The following MYO5B variants were observed in gnomAD, a reference collection of about 807,000 sequenced individuals.
MYO5B encodes the protein myosin VB.
A neutral mutation model predicts 229.3 loss-of-function variants in MYO5B; 143 were observed. The observed-to-expected ratio is 0.62, with a 90% CI of 0.54 to 0.72. MYO5B has a LOEUF of 0.72. Ranked by LOEUF, MYO5B falls within the 30% of genes least tolerant of loss-of-function variation. The pLI is 0.00. For missense variants in MYO5B, 2,321 were observed against 2,331.0 expected (o/e 1.00, Z 0.09); for synonymous variants, 918 against 885.2 (o/e 1.04, Z -0.66).
At chr18:49,973,172 T>C (rs2025709418) in intron 10 of MYO5B, among the ~76,000 whole-genome samples, 2 of 152,208 alleles carry the variant, frequency 1.3e-5, no homozygotes, top group South Asian at 4.1e-4. Context: ...AACTCGTGCA[T>C]GAGACAACTC....
intron 17 of MYO5B, 33 bp from the exon 18 acceptor site, chr18:49,912,206 C>T (rs1265921096): frequency 1.9e-6 from 3 of 1,546,384 alleles, no homozygotes; most frequent in Non-Finnish European, 2.7e-6. Context: ...TCAGGTGACA[C>T]ATCCTGCCTC....
At chr18:50,003,062 G>A (rs148727637) in intron 4 of MYO5B, among the ~76,000 whole-genome samples, 76 of 152,234 alleles carry the variant, frequency 5.0e-4, no homozygotes, top group African/African-American at 1.7e-3. Flanking sequence ...AATTAGAGAC[G>A]GCCTAGACAG....
chr18:50,076,235 G>A (rs79749731), intron 1 of MYO5B, among the ~76,000 whole-genome samples: 5,776 of 152,246 alleles, frequency 0.038, 358 homozygotes, highest in African/African-American at 0.13. Flanking sequence ...TCAGGAGGCC[G>A]TCAAGATCCT....
Position 50,040,309 on chromosome 18 carries a change from C to G in MYO5B, c.144G>C (p.Leu48=), listed in dbSNP as rs750204250. Reference sequence around the variant, plus strand: ...TGCGTTGTACATCAATTGGGTATTCCAGAATCTAAAGACATGCAAGTAGCA... The same window carrying G: ...TGCGTTGTACATCAATTGGGTATTCGAGAATCTAAAGACATGCAAGTAGCA... The part of the protein sequence containing the change: ...LQLRLEDETI[L]EYPIDVQRNQ... The change falls in exon 3 of 40, where the codon CTG becomes CTC. Residue 48 remains leucine, a synonymous_variant. Coordinates refer to ENST00000285039, the MANE Select transcript of MYO5B (RefSeq NM_001080467.3). The G allele has an allele frequency of 6.2e-7, 1 of 1,613,952 alleles. No homozygotes were observed. The highest frequency in any genetic ancestry group is 2.2e-5 in the East Asian group (1 of 44,872).
chr18:50,052,753 C>T (rs2030433534), intron 2 of MYO5B, among the ~76,000 whole-genome samples: 1 of 151,280 alleles, frequency 6.6e-6, no homozygotes, highest in South Asian at 2.1e-4. Flanking sequence ...TATATTTTAC[C>T]ACAATAGATA....
intron 18 of MYO5B, among the ~76,000 whole-genome samples, chr18:49,910,278 G>T (rs2024943519): frequency 6.6e-6 from 1 of 152,184 alleles, no homozygotes; most frequent in African/African-American, 2.4e-5. Context: ...CCCCTCCAGA[G>T]TTCCCTCTTT....
chr18:49,937,203 T>G, intron 15 of MYO5B, 42 bp downstream of exon 15: 1 of 1,612,114 alleles, frequency 6.2e-7, no homozygotes, highest in Non-Finnish European at 8.5e-7. Context: ...AGGCCAGCCC[T>G]GCACATGCAC....
chr18:50,017,121 T>G (rs1284556483), intron 4 of MYO5B, among the ~76,000 whole-genome samples: 1 of 152,138 alleles, frequency 6.6e-6, no homozygotes, highest in Non-Finnish European at 1.5e-5. Context: ...GCATAATTTT[T>G]CATTTTGTTT....
chr18:50,193,263 T>C (rs2033252495), intron 1 of MYO5B, among the ~76,000 whole-genome samples: 1 of 152,200 alleles, frequency 6.6e-6, no homozygotes, highest in African/African-American at 2.4e-5. Flanking sequence ...GTTCACGCCC[T>C]GGCTCCCACC....
chr18:49,837,928 T>C (rs1414411160), intron 36 of MYO5B, 126 bp from the exon 37 acceptor site: 1 of 1,289,942 alleles, frequency 7.8e-7, no homozygotes, highest in Non-Finnish European at 1.1e-6. Context: ...AATGTTGACA[T>C]GCTTAGGAAC....
In MYO5B at chr18:49,846,918, T is replaced by G. The variant is rs116748470; in HGVS notation, c.4459+228A>C. Among the ~76,000 whole-genome samples the G allele has an allele frequency of 8.2e-3, 1,216 of 149,008 alleles. 10 individuals are homozygous for G. The highest frequency in any genetic ancestry group is 0.028 in the African/African-American group (1,125 of 40,006). On this transcript the variant is annotated intron_variant, in intron 33 of 39. Transcript: ENST00000285039. ...TCGTATGGGCAGAACAAAGAAGCAG[T>G]GGGTCTTGCCATCGAGAATAGCAGC...
rs75899978 is a variant in MYO5B at position 49,964,147 on chromosome 18, A to G, written c.1323-1117T>C. ...ACCTAAAGAAATTACCATGTCAAAC[A>G]GTACCACTTTTCTTAAAAGGTAGAA... On this transcript the variant is annotated intron_variant, in intron 10 of 39. Transcript: ENST00000285039. 2.5e-3 allele frequency among the ~76,000 whole-genome samples: 374 copies of G among 152,374 alleles called. 1 individual carries two copies. Among genetic ancestry groups the G allele is most frequent in the African/African-American group, 8.4e-3 (351 of 41,586 alleles).
intron 9 of MYO5B, among the ~76,000 whole-genome samples, 195 bp from the exon 10 acceptor site, chr18:49,974,810 C>CAG (rs61021420): frequency 3.3e-5 from 5 of 151,206 alleles, no homozygotes; most frequent in African/African-American, 1.2e-4. Context: ...CACACACACA[C>CAG]ACACACACAC....
chr18:50,075,535 C>A (rs2031058622), intron 1 of MYO5B, among the ~76,000 whole-genome samples: 1 of 152,092 alleles, frequency 6.6e-6, no homozygotes, highest in Non-Finnish European at 1.5e-5. Flanking sequence ...GGACTGCAGC[C>A]CATAGAAGGT....
At chr18:49,999,736 G>A (rs1598942120) in intron 5 of MYO5B, among the ~76,000 whole-genome samples, 1 of 152,152 alleles carries the variant, frequency 6.6e-6, no homozygotes, top group Admixed American at 6.5e-5. Context: ...ACCCAGACGG[G>A]CAACACCAGC....
intron 10 of MYO5B, chr18:49,969,998 A>T (rs2025673708): frequency 6.6e-6 from 1 of 152,262 alleles, no homozygotes; most frequent in South Asian, 2.1e-4. Context: ...AAAGACAAGT[A>T]AATGTGTATT....
At chr18:50,116,898 A>G (rs1367077130) in intron 1 of MYO5B, among the ~76,000 whole-genome samples, 10 of 152,146 alleles carry the variant, frequency 6.6e-5, no homozygotes, top group Admixed American at 5.9e-4. Flanking sequence ...ACAATGAAGA[A>G]TCAGCATCTG....
intron 12 of MYO5B, among the ~76,000 whole-genome samples, chr18:49,958,690 C>T (rs1351712745): frequency 6.6e-6 from 1 of 152,214 alleles, no homozygotes; most frequent in Non-Finnish European, 1.5e-5. Flanking sequence ...AACTCGCTGT[C>T]TCCACTGCCT....
intron 17 of MYO5B, among the ~76,000 whole-genome samples, chr18:49,915,457 T>C (rs1324565325): frequency 1.3e-5 from 2 of 152,240 alleles, no homozygotes; most frequent in Non-Finnish European, 2.9e-5. Context: ...ATCAGGTCCA[T>C]GTGGATTCCC....
Sources: allele counts gnomAD v4.1 joint callset (sites outside exome capture counted in the v4.1 genomes callset), GRCh38; gene constraint gnomAD v4.1.1; transcripts MANE v1.5; gene names NCBI Gene and HGNC (gene_info 2026-07-23, HGNC 2026-07-21).